SH3PXD2A: variants seen among roughly 807,000 people sequenced by gnomAD.
The protein encoded by SH3PXD2A is SH3 and PX domains 2A.
SH3PXD2A carries 32 observed loss-of-function variants against 115.2 expected under a neutral mutation model. The ratio of observed to expected loss-of-function variants is 0.28; its 90% CI spans 0.21 to 0.37. The LOEUF is 0.37. Ranked by LOEUF, SH3PXD2A falls within the 10% of genes least tolerant of loss-of-function variation. SH3PXD2A has a pLI of 1.00. For missense variants in SH3PXD2A, 1,328 were observed against 1,498.7 expected, an observed-to-expected ratio of 0.89 and a Z score of 1.88; for synonymous variants, 610 against 629.1, an observed-to-expected ratio of 0.97 and a Z score of 0.45.
chr10:103,779,565 T>C (rs918678369), intron 2 of SH3PXD2A, among the ~76,000 whole-genome samples: 2 of 152,088 alleles, frequency 1.3e-5, no homozygotes, highest in African/African-American at 4.8e-5. Flanking sequence ...CTCCAGGCAA[T>C]AGGGAGCCCC....
intron 3 of SH3PXD2A, among the ~76,000 whole-genome samples, chr10:103,764,744 G>C (rs139094791): frequency 1.3e-5 from 2 of 152,104 alleles, no homozygotes; most frequent in Non-Finnish European, 2.9e-5. Context: ...TTGTGTTCTC[G>C]GCACCTGGGC....
chr10:103,667,492 G>A (rs1448315741), intron 7 of SH3PXD2A, among the ~76,000 whole-genome samples: 2 of 152,240 alleles, frequency 1.3e-5, no homozygotes, highest in East Asian at 1.9e-4. Context: ...AGGGACAGGA[G>A]CCCAGTGATT....
chr10:103,685,599 A>G (rs1465970375), intron 6 of SH3PXD2A, among the ~76,000 whole-genome samples: 1 of 152,186 alleles, frequency 6.6e-6, no homozygotes, highest in Non-Finnish European at 1.5e-5. Context: ...CCTCCTATTC[A>G]TAGTAAAAGC....
intron 1 of SH3PXD2A, among the ~76,000 whole-genome samples, chr10:103,847,883 G>T (rs1435532547): frequency 1.3e-5 from 2 of 151,816 alleles, no homozygotes; most frequent in East Asian, 3.9e-4. Context: ...AGGCTGCAGT[G>T]AACCGAGATC....
chr10:103,804,869 G>C (rs1032450470), intron 1 of SH3PXD2A, among the ~76,000 whole-genome samples: 2 of 152,016 alleles, frequency 1.3e-5, no homozygotes, highest in African/African-American at 2.4e-5. Context: ...TACCTACCCT[G>C]GTCCCCCTGC....
At chr10:103,826,841 T>G (rs1284346461) in intron 1 of SH3PXD2A, among the ~76,000 whole-genome samples, 1 of 152,148 alleles carries the variant, frequency 6.6e-6, no homozygotes, top group Non-Finnish European at 1.5e-5. Context: ...AAAGATCAGA[T>G]GAGATAACGG....
chr10:103,807,741 A>G (rs1331304288), intron 1 of SH3PXD2A, among the ~76,000 whole-genome samples: 1 of 152,166 alleles, frequency 6.6e-6, no homozygotes, highest in Non-Finnish European at 1.5e-5. Flanking sequence ...AGGTCATACG[A>G]TCTCTTCAAG....
chr10:103,653,351 G>A (rs1482279950), intron 8 of SH3PXD2A, among the ~76,000 whole-genome samples: 1 of 152,198 alleles, frequency 6.6e-6, no homozygotes, highest in Non-Finnish European at 1.5e-5. Flanking sequence ...GGCTCAGTCA[G>A]TAGAAACCTG....
At chr10:103,651,831 T>A (rs2037128824) in intron 8 of SH3PXD2A, among the ~76,000 whole-genome samples, 1 of 152,220 alleles carries the variant, frequency 6.6e-6, no homozygotes, top group Non-Finnish European at 1.5e-5. Context: ...ATAACCCTCC[T>A]GGCAGGAGTG....
At chr10:103,648,274 G>T (rs1476215251) in intron 8 of SH3PXD2A, among the ~76,000 whole-genome samples, 1 of 152,206 alleles carries the variant, frequency 6.6e-6, no homozygotes, top group East Asian at 1.9e-4. Context: ...GCCCTCCAAT[G>T]TTTGGCTTTT....
intron 8 of SH3PXD2A, among the ~76,000 whole-genome samples, chr10:103,645,034 C>T (rs943582715): frequency 6.6e-6 from 1 of 152,186 alleles, no homozygotes; most frequent in Non-Finnish European, 1.5e-5. Flanking sequence ...AGGCCCCGTC[C>T]TTCAAAGCCA....
At chr10:103,655,138 C>A (rs1331767142) in intron 8 of SH3PXD2A, among the ~76,000 whole-genome samples, 1 of 152,204 alleles carries the variant, frequency 6.6e-6, no homozygotes, top group Non-Finnish European at 1.5e-5. Context: ...ACAGGCTGCA[C>A]TCTGAAGAGA....
At chr10:103,825,653 T>TCTCCTTCC (rs1564898513) in intron 1 of SH3PXD2A, among the ~76,000 whole-genome samples, 1 of 152,084 alleles carries the variant, frequency 6.6e-6, no homozygotes, top group Non-Finnish European at 1.5e-5. Context: ...TAGAGTCCTG[T>TCTCCTTCC]GGCATGCCCC....
rs1168652934 is a variant in SH3PXD2A, at chr10:103,735,800, G to T, written c.238C>A (p.Leu80Ile). ...TCCCGGATGTGGCTTCTGCGGAAGA[G>T]GATCTTGCCTGGAAGAGAGATGCTC... ...RIIPFLPGKI[L>I]FRRSHIRDVA... is the part of the protein sequence containing the mutation. The change falls in exon 4 of 15, where the codon CTC (leucine) becomes ATC (isoleucine). Residue 80 changes from leucine (L) to isoleucine (I), a missense_variant. Physicochemically the swap from Leu to Ile is conservative, Grantham distance 5. This residue lies in a region of SH3PXD2A where 110 missense variants were observed against 160.0 expected (regional missense o/e 0.69). Coordinates refer to ENST00000369774, the MANE Select transcript of SH3PXD2A (RefSeq NM_001394015.1). 6.2e-7 allele frequency: 1 copy of T among 1,613,860 alleles called. No homozygotes were observed. Among genetic ancestry groups the T allele is most frequent in the Admixed American group, 1.7e-5 (1 of 60,026 alleles).
intron 1 of SH3PXD2A, among the ~76,000 whole-genome samples, chr10:103,838,775 G>A (rs1231899861): frequency 1.3e-5 from 2 of 152,210 alleles, no homozygotes; most frequent in East Asian, 3.8e-4. Flanking sequence ...CTGGCACTGT[G>A]GCCCAACACA....
chr10:103,838,375 A>C (rs2039566175), intron 1 of SH3PXD2A, among the ~76,000 whole-genome samples: 1 of 152,224 alleles, frequency 6.6e-6, no homozygotes, highest in South Asian at 2.1e-4. Flanking sequence ...CCTATGGGGA[A>C]GGTACTATTA....
intron 1 of SH3PXD2A, among the ~76,000 whole-genome samples, chr10:103,814,483 C>A (rs564916387): frequency 6.6e-6 from 1 of 152,304 alleles, no homozygotes; most frequent in East Asian, 1.9e-4. Flanking sequence ...GATGGGGAAG[C>A]AGGTCTCTGT....
chr10:103,732,146 C>T (rs577367281), intron 4 of SH3PXD2A, among the ~76,000 whole-genome samples: 145 of 152,298 alleles, frequency 9.5e-4, no homozygotes, highest in Non-Finnish European at 1.8e-3. Context: ...CTCTCACACT[C>T]CTCTCTGAAC....
chr10:103,654,391 A>G (rs1227196580), intron 8 of SH3PXD2A, among the ~76,000 whole-genome samples: 1 of 151,944 alleles, frequency 6.6e-6, no homozygotes, highest in Non-Finnish European at 1.5e-5. Flanking sequence ...CTCAGATACC[A>G]CCAAGTCAGT....
Sources: allele counts gnomAD v4.1 joint callset (sites outside exome capture counted in the v4.1 genomes callset), GRCh38; gene constraint gnomAD v4.1.1; regional missense constraint gnomAD v4.1.1; transcripts MANE v1.5; gene names NCBI Gene and HGNC (gene_info 2026-07-23, HGNC 2026-07-21).